The following SPEG variants were observed in gnomAD, a reference collection of about 807,000 sequenced individuals.
SPEG encodes striated muscle enriched protein kinase.
A neutral mutation model predicts 300.4 loss-of-function variants in SPEG; 114 were observed. That is an observed-to-expected ratio of 0.38 (90% confidence interval 0.33 to 0.44). The LOEUF (loss-of-function observed/expected upper bound fraction) is 0.44. SPEG is among the 20% of genes least tolerant of loss of function. SPEG has a pLI of 1.00. For missense variants in SPEG, 4,201 were observed against 4,586.2 expected (o/e 0.92, Z 2.43); for synonymous variants, 1,964 against 2,018.9 (o/e 0.97, Z 0.73).
intron 18 of SPEG, among the ~76,000 whole-genome samples, chr2:219,475,603 C>A (rs898856377): frequency 6.6e-5 from 10 of 152,196 alleles, no homozygotes; most frequent in African/African-American, 2.4e-4. Flanking sequence ...GCACTCTCCA[C>A]TCAGTCACCA....
intron 39 of SPEG, 85 bp downstream of exon 39, chr2:219,491,954 T>C (rs1694014328): frequency 1.5e-6 from 2 of 1,371,178 alleles, no homozygotes; most frequent in Non-Finnish European, 2.0e-6. Context: ...CTCTCCCCCG[T>C]GCCCCACCTC....
chr2:219,438,443 C>T (rs1444615583), intron 1 of SPEG, among the ~76,000 whole-genome samples: 1 of 152,146 alleles, frequency 6.6e-6, no homozygotes, highest in Non-Finnish European at 1.5e-5. Context: ...GGAAGACTGT[C>T]AAGGATTTGT....
Position 219,468,664 on chromosome 2 carries a change from G to C in SPEG, c.3229G>C (p.Glu1077Gln), listed in dbSNP as rs766143373. 109 of 1,613,988 alleles carry C rather than the reference G, an allele frequency of 6.8e-5. No homozygotes were observed. Among genetic ancestry groups the C allele is most frequent in the Non-Finnish European group, 9.2e-5 (109 of 1,180,002 alleles). The change falls in exon 11 of 41, where the codon GAG becomes CAG. Residue 1077 changes from glutamate to glutamine, a missense_variant. Glu to Gln is a conservative substitution (Grantham distance 29). Coordinates refer to ENST00000312358, the MANE Select transcript of SPEG (RefSeq NM_005876.5). ...TRLLEDVEVL[E>Q]GRAARFDCKI... Reference sequence around the variant, plus strand: ...GCTGCTGGAAGATGTGGAGGTGTTGGAGGGCCGAGCTGCCCGTTTCGACTG... The same window carrying C: ...GCTGCTGGAAGATGTGGAGGTGTTGCAGGGCCGAGCTGCCCGTTTCGACTG...
chr2:219,457,485 G>A (rs1373286780), intron 6 of SPEG, among the ~76,000 whole-genome samples: 2 of 152,216 alleles, frequency 1.3e-5, no homozygotes, highest in Non-Finnish European at 2.9e-5. Flanking sequence ...GAGGGAGGCC[G>A]AGCCAGGAGA....
chr2:219,471,450 A>G (rs1691866702), intron 13 of SPEG, among the ~76,000 whole-genome samples: 2 of 152,006 alleles, frequency 1.3e-5, no homozygotes, highest in Non-Finnish European at 2.9e-5. Flanking sequence ...TTGGGGATGG[A>G]GAAGAAGGGC....
At position 219,468,563 on chromosome 2, in the gene SPEG, C is replaced by A. The variant is rs760867760; in HGVS notation, c.3143-15C>A. The A allele has an allele frequency of 6.2e-7, 1 of 1,608,480 alleles. No individual in the cohort carries two copies. Among genetic ancestry groups the A allele is most frequent in the East Asian group, 2.2e-5 (1 of 44,840 alleles). Reference sequence around the variant, plus strand: ...CTTAGCCTTCCCTATCTCTGAGCTGCCCCCTGCCCCACAGATGAGCTGACC... The same window carrying A: ...CTTAGCCTTCCCTATCTCTGAGCTGACCCCTGCCCCACAGATGAGCTGACC... On this transcript the variant is annotated splice_polypyrimidine_tract_variant and intron_variant, in intron 10 of 40. Transcript: ENST00000312358.
Position 219,484,687 on chromosome 2 carries a change from C to G in SPEG, c.7224C>G (p.Arg2408=). ...TCGGAGAGCCTGGCCTCGTCCGCCG[C>G]CTCTCGCTGTCACTGTCCCAGCGGC... is the stretch of plus-strand genomic sequence containing the variant. ...RAVGEPGLVR[R]LSLSLSQRLR... The change falls in exon 30 of 41, where the codon CGC becomes CGG. Residue 2408 remains arginine (R), a synonymous_variant. Coordinates refer to ENST00000312358, the MANE Select transcript of SPEG (RefSeq NM_005876.5). The G allele has an allele frequency of 6.6e-7, 1 of 1,518,450 alleles. No individual in the cohort carries two copies. Among genetic ancestry groups the G allele is most frequent in the Non-Finnish European group, 8.8e-7 (1 of 1,141,546 alleles). The allele number at this position is 1,518,450 out of a possible 1,614,324, so 94.1% of individuals were successfully genotyped here.
intron 10 of SPEG, among the ~76,000 whole-genome samples, 188 bp downstream of exon 10, chr2:219,467,622 A>C (rs977639968): frequency 1.3e-5 from 2 of 152,222 alleles, no homozygotes; most frequent in Non-Finnish European, 2.9e-5. Context: ...AGCACAAAGG[A>C]AAGGCCGCAA....
At position 219,483,398 on chromosome 2, in the gene SPEG, G is replaced by T; in HGVS notation, c.5935G>T (p.Ala1979Ser). 1.3e-6 allele frequency: 2 copies of T among 1,593,544 alleles called. No homozygotes were observed. Among genetic ancestry groups the T allele is most frequent in the Non-Finnish European group, 1.7e-6 (2 of 1,174,872 alleles). The change falls in exon 30 of 41, where the codon GCT becomes TCT. Residue 1979 changes from alanine (A) to serine (S), a missense_variant. Around this residue, in one of 4 missense-constraint regions of SPEG, gnomAD observed 1,578 missense variants for 1,506.0 expected, o/e 1.05. Coordinates refer to ENST00000312358, the MANE Select transcript of SPEG (RefSeq NM_005876.5). ...CATGGACTGGCAGGAGCAGGGAAGG[G>T]CTCCCTCTCAGGACCAGGAGGCTCC... The part of the protein sequence containing the change: ...TPMDWQEQGR[A>S]PSQDQEAPSP...
At chr2:219,465,890 TGTGC>T in intron 9 of SPEG, 1 of 635,730 alleles carries the variant, frequency 1.6e-6, no homozygotes, top group South Asian at 1.8e-5. Flanking sequence ...CGTGTGCATG[TGTGC>T]GTATGGGTGT....
At chr2:219,436,746 T>C (rs1954730133) in intron 1 of SPEG, among the ~76,000 whole-genome samples, 1 of 152,126 alleles carries the variant, frequency 6.6e-6, no homozygotes, top group African/African-American at 2.4e-5. Flanking sequence ...CTGGTTGGCC[T>C]AGCACCTGGA....
chr2:219,461,270 G>A (rs1690666570), intron 6 of SPEG: 1 of 985,850 alleles, frequency 1.0e-6, no homozygotes, highest in African/African-American at 1.7e-5. Context: ...CGAGCGTTTG[G>A]GGGTGCAAGC....
chr2:219,477,886 C>G lies in SPEG; in HGVS notation c.4827-19C>G. ...CCACAGTGATGGCTGATCTCTGACCCCCTCCCTGTGTCAACCAGGGGTGCT... is the reference window on the plus strand; with the variant it reads ...CCACAGTGATGGCTGATCTCTGACCGCCTCCCTGTGTCAACCAGGGGTGCT... On this transcript the variant is annotated intron_variant, in intron 21 of 40. Transcript: ENST00000312358. This position sits in a 1 kb window ranked among gnomAD's most constrained non-coding sequence, Gnocchi z 6.4. 1 of 1,612,196 alleles carries G rather than the reference C, an allele frequency of 6.2e-7. No individual in the cohort carries two copies. The highest frequency in any genetic ancestry group is 8.5e-7 in the Non-Finnish European group (1 of 1,178,572).
At chr2:219,485,675 C>G (rs1003386912) in intron 31 of SPEG, among the ~76,000 whole-genome samples, 198 bp downstream of exon 31, 3 of 152,232 alleles carry the variant, frequency 2.0e-5, no homozygotes, top group African/African-American at 4.8e-5. Context: ...TTTACAAGCA[C>G]TGCCTCATTC....
chr2:219,473,907 G>A lies in SPEG; in HGVS notation c.4447+4G>A. 6.2e-7 allele frequency: 1 copy of A among 1,601,260 alleles called. No individual in the cohort carries two copies. Among genetic ancestry groups the A allele is most frequent in the Non-Finnish European group, 8.5e-7 (1 of 1,172,852 alleles). On this transcript the variant is annotated splice_donor_region_variant and intron_variant, in intron 18 of 40. Transcript: ENST00000312358. This position sits in a 1 kb window ranked among gnomAD's most constrained non-coding sequence, Gnocchi z 4.6. Reference sequence around the variant, plus strand: ...TCGGTCACATTGGAGCTGGCAGGTGGGTGACAGCGGGCCTTCTTCCTAGCC... The same window carrying A: ...TCGGTCACATTGGAGCTGGCAGGTGAGTGACAGCGGGCCTTCTTCCTAGCC...
At chr2:219,440,653 C>T (rs1239518277) in intron 1 of SPEG, among the ~76,000 whole-genome samples, 1 of 151,940 alleles carries the variant, frequency 6.6e-6, no homozygotes, top group Non-Finnish European at 1.5e-5. Context: ...GTGGTGCGAT[C>T]TCTGCTCACT....
At chr2:219,491,711 TGCTCA>T (rs1332850180) in intron 38 of SPEG, 78 bp from the exon 39 acceptor site, 1 of 1,062,742 alleles carries the variant, frequency 9.4e-7, no homozygotes, top group Non-Finnish European at 1.4e-6. Context: ...ATTGTCCTGC[TGCTCA>T]AGCACCCAGG....
chr2:219,490,155 C>T (rs187014266), intron 36 of SPEG, among the ~76,000 whole-genome samples: 7 of 152,206 alleles, frequency 4.6e-5, no homozygotes, highest in Non-Finnish European at 8.8e-5. Flanking sequence ...AGAGACACTG[C>T]GCTATTAGCA....
chr2:219,490,521 G>A lies in SPEG; in HGVS notation c.9034G>A (p.Glu3012Lys), dbSNP rs772022136. The A allele has an allele frequency of 3.7e-6, 6 of 1,612,672 alleles. No individual in the cohort carries two copies. Among genetic ancestry groups the A allele is most frequent in the Admixed American group, 3.3e-5 (2 of 59,998 alleles). ...EGKRRVLQEYEVLRTLHHERI... is the reference protein window; with the variant it reads ...EGKRRVLQEYKVLRTLHHERI... ...CAAGCGGCGGGTCCTGCAGGAGTAC[G>A]AGGTGCTGCGGACCCTGCACCACGA... is the stretch of plus-strand genomic sequence containing the variant. Residue 3012 changes from glutamate to lysine, a missense_variant, in exon 37 of 41, where the codon GAG becomes AAG. Glu to Lys is a moderately conservative substitution (Grantham distance 56, BLOSUM62 1). Around this residue, in one of 4 missense-constraint regions of SPEG, gnomAD observed 318 missense variants for 429.5 expected, o/e 0.74. Coordinates refer to ENST00000312358, the MANE Select transcript of SPEG (RefSeq NM_005876.5).
Sources: gnomAD v4.1 joint callset for allele counts (sites outside exome capture counted in the v4.1 genomes callset) on GRCh38, gnomAD v4.1.1 for gene constraint, gnomAD v4.1.1 regional missense constraint, Gnocchi (gnomAD v3.1) non-coding constraint, MANE v1.5 for transcripts, NCBI Gene and HGNC (gene_info 2026-07-23, HGNC 2026-07-21) for gene names.